CACHD1: variants seen among roughly 807,000 people sequenced by gnomAD.
CACHD1 encodes cache domain containing 1, also known as VWFA and cache domain-containing protein 1.
A neutral mutation model predicts 138.7 loss-of-function variants in CACHD1; 71 were observed. The observed-to-expected ratio is 0.51, with a 90% CI of 0.42 to 0.62. The LOEUF (loss-of-function observed/expected upper bound fraction) is 0.62, where lower values mean the gene tolerates loss of function less well. Ranked by LOEUF, CACHD1 falls within the 20% of genes least tolerant of loss-of-function variation. The pLI, the probability that CACHD1 is intolerant of heterozygous loss-of-function variation, is 0.00. For missense variants in CACHD1, 1,389 were observed against 1,625.3 expected (o/e 0.85, Z 2.50); for synonymous variants, 578 against 591.5 (o/e 0.98, Z 0.33).
intron 1 of CACHD1, among the ~76,000 whole-genome samples, chr1:64,542,828 C>T (rs993025622): frequency 1.3e-5 from 2 of 152,082 alleles, no homozygotes; most frequent in Admixed American, 1.3e-4. Flanking sequence ...TCAAATTAAT[C>T]TCTCAGAACC....
chr1:64,632,274 A>T (rs1400099496), intron 5 of CACHD1, among the ~76,000 whole-genome samples: 2 of 147,720 alleles, frequency 1.4e-5, no homozygotes, highest in Non-Finnish European at 3.0e-5. Context: ...AAAAAAAAAA[A>T]AAAAGAGAGA....
intron 4 of CACHD1, among the ~76,000 whole-genome samples, chr1:64,611,642 C>T (rs1323038165): frequency 2.0e-5 from 3 of 152,178 alleles, no homozygotes; most frequent in Non-Finnish European, 4.4e-5. Context: ...CATGTGAGAC[C>T]ACCTCAGCCT....
intron 3 of CACHD1, among the ~76,000 whole-genome samples, chr1:64,591,949 G>A (rs376474642): frequency 3.3e-5 from 5 of 152,154 alleles, no homozygotes; most frequent in African/African-American, 9.7e-5. Context: ...ATAGGTCCTC[G>A]ATAAATATTT....
At chr1:64,650,047 C>A (rs962049626) in intron 9 of CACHD1, among the ~76,000 whole-genome samples, 1 of 152,102 alleles carries the variant, frequency 6.6e-6, no homozygotes, top group African/African-American at 2.4e-5. Context: ...GAACATATTT[C>A]TTTTTAAAAA....
intron 1 of CACHD1, among the ~76,000 whole-genome samples, chr1:64,529,425 T>A (rs1296603998): frequency 2.0e-5 from 3 of 152,190 alleles, no homozygotes; most frequent in Non-Finnish European, 4.4e-5. Context: ...TCTCAATACT[T>A]CGCAACCAAT....
chr1:64,587,031 A>C (rs1647056344), intron 3 of CACHD1, among the ~76,000 whole-genome samples: 1 of 152,184 alleles, frequency 6.6e-6, no homozygotes, highest in Admixed American at 6.5e-5. Flanking sequence ...GTTGGACCTC[A>C]GATAAGAGAC....
At chr1:64,629,934 A>G (rs1648243179) in intron 5 of CACHD1, among the ~76,000 whole-genome samples, 1 of 152,144 alleles carries the variant, frequency 6.6e-6, no homozygotes, top group Non-Finnish European at 1.5e-5. Flanking sequence ...AACTATTAGA[A>G]GTTTTGAGGT....
chr1:64,540,712 C>T (rs1557483540), intron 1 of CACHD1, among the ~76,000 whole-genome samples: 1 of 152,184 alleles, frequency 6.6e-6, no homozygotes, highest in Admixed American at 6.5e-5. Context: ...AAACTCTTCT[C>T]GCTGAGATGA....
At chr1:64,541,952 T>C (rs1570349554) in intron 1 of CACHD1, among the ~76,000 whole-genome samples, 1 of 150,006 alleles carries the variant, frequency 6.7e-6, no homozygotes, top group East Asian at 2.0e-4. Context: ...AAGGATTAAC[T>C]ATAGTAAAAT....
rs1230086144 is a variant in CACHD1 at position 64,535,637 on chromosome 1, A to G, written c.199-14957A>G. On this transcript the variant is annotated intron_variant, in intron 1 of 26. Transcript: ENST00000651257. ...ACCACAGCCAGCTCTGGGAATTTGG[A>G]TTTGTACAGAAATTCAATATAGGGA... Among the ~76,000 whole-genome samples, 4 of 152,190 alleles carry G rather than the reference A, an allele frequency of 2.6e-5. No individual in the cohort carries two copies. The South Asian group carries it at 6.2e-4, about 24-fold the overall frequency.
At chr1:64,503,799 T>C (rs927057376) in intron 1 of CACHD1, among the ~76,000 whole-genome samples, 2 of 152,220 alleles carry the variant, frequency 1.3e-5, no homozygotes, top group African/African-American at 4.8e-5. Context: ...ACTTCCTGTA[T>C]ACTAATGGGG....
At chr1:64,478,718 A>AT (rs1646191285) in intron 1 of CACHD1, among the ~76,000 whole-genome samples, 1 of 152,176 alleles carries the variant, frequency 6.6e-6, no homozygotes, top group African/African-American at 2.4e-5. Context: ...CAGGGTTGCT[A>AT]TATCGAATTC....
At chr1:64,557,014 G>A (rs935690302) in intron 2 of CACHD1, among the ~76,000 whole-genome samples, 1 of 152,098 alleles carries the variant, frequency 6.6e-6, no homozygotes, top group African/African-American at 2.4e-5. Context: ...AGCTACTTGG[G>A]AGGCTGAGGC....
intron 1 of CACHD1, among the ~76,000 whole-genome samples, chr1:64,503,412 A>G (rs1304983217): frequency 1.3e-5 from 2 of 152,232 alleles, no homozygotes; most frequent in African/African-American, 4.8e-5. Context: ...AAACAAAACA[A>G]AACTCCAAAA....
At chr1:64,655,812 C>T (rs1308368931) in intron 12 of CACHD1, among the ~76,000 whole-genome samples, 1 of 152,188 alleles carries the variant, frequency 6.6e-6, no homozygotes, top group Non-Finnish European at 1.5e-5. Flanking sequence ...TTACTTTTAT[C>T]ATCAAATTTT....
intron 26 of CACHD1, among the ~76,000 whole-genome samples, chr1:64,683,994 T>G (rs1257366235): frequency 1.3e-5 from 2 of 152,226 alleles, no homozygotes; most frequent in South Asian, 2.1e-4. Context: ...TATTGGCATC[T>G]GCTATGCACA....
intron 4 of CACHD1, among the ~76,000 whole-genome samples, chr1:64,603,966 C>A (rs1019769456): frequency 1.3e-5 from 2 of 152,148 alleles, no homozygotes; most frequent in African/African-American, 4.8e-5. Context: ...GGGAACCCCC[C>A]CAAAGACTTT....
Position 64,470,781 on chromosome 1 carries a change from G to T in CACHD1, c.37G>T (p.Ala13Ser), listed in dbSNP as rs1294336387. The change falls in exon 1 of 27, where the codon GCC (alanine) becomes TCC (serine). Residue 13 changes from alanine to serine, a missense_variant. Physicochemically the swap from Ala to Ser is moderately conservative, Grantham distance 99. Transcript: ENST00000651257. The surrounding 1 kb of genome is among the most constrained non-coding windows in gnomAD (Gnocchi z 5.2). Reference protein sequence around the residue: ...RQPEEEETAVARARRPPLWLL... With the variant: ...RQPEEEETAVSRARRPPLWLL... Reference sequence around the variant, plus strand: ...GCCGGAGGAAGAGGAGACGGCCGTGGCCCGGGCGCGGCGGCCGCCCCTCTG... The same window carrying T: ...GCCGGAGGAAGAGGAGACGGCCGTGTCCCGGGCGCGGCGGCCGCCCCTCTG... The T allele has an allele frequency of 9.9e-7, 1 of 1,005,052 alleles. No homozygotes were observed. The highest frequency in any genetic ancestry group is 2.8e-5 in the East Asian group (1 of 35,844). 62.3% of individuals were successfully genotyped at this position (1,005,052 alleles called of 1,614,324 possible).
intron 3 of CACHD1, among the ~76,000 whole-genome samples, chr1:64,587,510 A>C (rs898229208): frequency 3.3e-5 from 5 of 152,282 alleles, no homozygotes; most frequent in African/African-American, 1.2e-4. Context: ...TCAACTCTTA[A>C]AATTCTTGCA....
Sources: allele counts gnomAD v4.1 joint callset (sites outside exome capture counted in the v4.1 genomes callset), GRCh38; gene constraint gnomAD v4.1.1; non-coding constraint Gnocchi (gnomAD v3.1); transcripts MANE v1.5; gene names NCBI Gene and HGNC (gene_info 2026-07-23, HGNC 2026-07-21).